TMEM132D: variants seen among roughly 807,000 people sequenced by gnomAD.
TMEM132D encodes the protein transmembrane protein 132D, also known as mature OL transmembrane protein.
TMEM132D carries 21 observed loss-of-function variants against 62.3 expected under a neutral mutation model. The ratio of observed to expected loss-of-function variants is 0.34; its 90% CI spans 0.24 to 0.49. The LOEUF (loss-of-function observed/expected upper bound fraction) is 0.49, where lower values mean the gene tolerates loss of function less well. TMEM132D is among the 20% of genes least tolerant of loss of function. The pLI, the probability that TMEM132D is intolerant of heterozygous loss-of-function variation, is 0.99. For synonymous variants in TMEM132D, 621 were observed against 575.6 expected (o/e 1.08, Z -1.13); for missense variants, 1,346 against 1,402.8 (o/e 0.96, Z 0.65).
intron 3 of TMEM132D, among the ~76,000 whole-genome samples, chr12:129,410,912 T>C (rs908032877): frequency 1.3e-5 from 2 of 152,230 alleles, no homozygotes; most frequent in African/African-American, 4.8e-5. Flanking sequence ...CTAGCAGTTT[T>C]GTTGGACATT....
At position 129,407,403 on chromosome 12, in the gene TMEM132D, G is replaced by A. The variant is rs571990532; in HGVS notation, c.1116-69586C>T. On this transcript the variant is annotated intron_variant, in intron 3 of 8. Coordinates refer to ENST00000422113, the MANE Select transcript of TMEM132D (RefSeq NM_133448.3). ...GTGATCCTATCCTCTCTCCGTCTCT[G>A]GGAAGCCTAGAGGAAAAGTCACCAG... Among the ~76,000 whole-genome samples the A allele has an allele frequency of 1.1e-4, 17 of 152,138 alleles. 1 individual carries two copies. The South Asian group carries it at 2.7e-3, about 24-fold the overall frequency.
chr12:129,502,319 A>G (rs1376916225), intron 3 of TMEM132D, among the ~76,000 whole-genome samples: 2 of 152,064 alleles, frequency 1.3e-5, no homozygotes, highest in Non-Finnish European at 2.9e-5. Context: ...TTCTTAATCC[A>G]AGTTCGCTAC....
At chr12:129,085,603 C>A (rs865780094) in intron 5 of TMEM132D, 1 of 152,238 alleles carries the variant, frequency 6.6e-6, no homozygotes, top group Non-Finnish European at 1.5e-5. Context: ...TCCAAACATG[C>A]GGATTCCTTT....
chr12:129,551,480 T>C (rs900525679), intron 2 of TMEM132D, among the ~76,000 whole-genome samples: 1 of 152,218 alleles, frequency 6.6e-6, no homozygotes, highest in Non-Finnish European at 1.5e-5. Flanking sequence ...GTAATTTTAC[T>C]CCATTTTGAT....
intron 2 of TMEM132D, among the ~76,000 whole-genome samples, chr12:129,653,361 G>A (rs1291357537): frequency 2.6e-5 from 4 of 152,214 alleles, no homozygotes; most frequent in African/African-American, 9.6e-5. Flanking sequence ...CCTGGTGATG[G>A]CCGATGGATG....
chr12:129,527,203 G>A (rs2137086217), intron 3 of TMEM132D, among the ~76,000 whole-genome samples: 1 of 152,196 alleles, frequency 6.6e-6, no homozygotes, highest in African/African-American at 2.4e-5. Context: ...CAGCTACTTG[G>A]GTGGCTGAGG....
chr12:129,462,535 A>C (rs1220390868), intron 3 of TMEM132D, among the ~76,000 whole-genome samples: 6 of 152,232 alleles, frequency 3.9e-5, no homozygotes, highest in Admixed American at 2.0e-4. Context: ...CTGCTCCTAC[A>C]AGGACATTAT....
intron 1 of TMEM132D, among the ~76,000 whole-genome samples, chr12:129,832,942 G>T (rs544080738): frequency 6.6e-6 from 1 of 152,038 alleles, no homozygotes; most frequent in African/African-American, 2.4e-5. Context: ...ACTCTTTCTC[G>T]CAATCCCCCT....
At chr12:129,105,560 AAAAAAAAAAG>A (rs951965338) in intron 5 of TMEM132D, among the ~76,000 whole-genome samples, 7 of 69,560 alleles carry the variant, frequency 1.0e-4, no homozygotes, top group South Asian at 5.9e-4. Context: ...AAAAAAAAAG[AAAAAAAAAAG>A]AAAAAAACAA....
In TMEM132D at chr12:129,714,157, G is replaced by C. The variant is rs183119383; in HGVS notation, c.80-13459C>G. 4.6e-5 allele frequency among the ~76,000 whole-genome samples: 7 copies of C among 152,220 alleles called. No homozygotes were observed. In the East Asian group the frequency reaches 1.4e-3, roughly 29 times the overall value. On this transcript the variant is annotated intron_variant, in intron 1 of 8. Coordinates refer to ENST00000422113, the MANE Select transcript of TMEM132D (RefSeq NM_133448.3). ...TTGCACTGGCTGTTTCCTGCACCTG[G>C]AGTGCCCATCCCCAGGCCCCTTGCA...
At chr12:129,589,411 T>C (rs1295056018) in intron 2 of TMEM132D, among the ~76,000 whole-genome samples, 5 of 152,218 alleles carry the variant, frequency 3.3e-5, no homozygotes, top group African/African-American at 1.2e-4. Context: ...GTCTCGGTTA[T>C]GTCTTTATCA....
At chr12:129,149,198 AG>A (rs1877001566) in intron 5 of TMEM132D, among the ~76,000 whole-genome samples, 2 of 134,418 alleles carry the variant, frequency 1.5e-5, no homozygotes, top group Admixed American at 1.5e-4. Context: ...GGACACAGGG[AG>A]GGGAACGTCA....
chr12:129,419,460 G>A (rs559084788), intron 3 of TMEM132D, among the ~76,000 whole-genome samples: 1 of 152,236 alleles, frequency 6.6e-6, no homozygotes, highest in East Asian at 1.9e-4. Flanking sequence ...ACTAGGAGGG[G>A]CACTGTGCAC....
Position 129,123,654 on chromosome 12 carries a change from T to C in TMEM132D, c.1444-38952A>G, listed in dbSNP as rs192699258. On this transcript the variant is annotated intron_variant, in intron 5 of 8. Coordinates refer to ENST00000422113, the MANE Select transcript of TMEM132D (RefSeq NM_133448.3). ...TTCCTGGTAAAACATTATTTCTGGGTGTGTCTGTGAGGGTGTTTCTGGCAC... is the reference window on the plus strand; with the variant it reads ...TTCCTGGTAAAACATTATTTCTGGGCGTGTCTGTGAGGGTGTTTCTGGCAC... 3.3e-5 allele frequency among the ~76,000 whole-genome samples: 5 copies of C among 152,322 alleles called. No homozygotes were observed. In the East Asian group the frequency reaches 9.6e-4, roughly 29 times the overall value.
At position 129,903,245 on chromosome 12, in the gene TMEM132D, G is replaced by A. The variant is rs761811203; in HGVS notation, c.79+16C>T. 4.5e-6 allele frequency: 7 copies of A among 1,551,636 alleles called. No individual in the cohort carries two copies. The East Asian group carries it at 1.5e-4, about 33-fold the overall frequency. On this transcript the variant is annotated intron_variant, in intron 1 of 8. Transcript: ENST00000422113. The surrounding 1 kb of genome is among the most constrained non-coding windows in gnomAD (Gnocchi z 6.2). ...CGAAGTTAGTCCCCGGGCCCTGGCG[G>A]CCGCGGCGTCCTCACCTTTGGAAAA...
intron 3 of TMEM132D, among the ~76,000 whole-genome samples, chr12:129,530,312 C>G (rs983951973): frequency 6.6e-6 from 1 of 152,020 alleles, no homozygotes; most frequent in African/African-American, 2.4e-5. Flanking sequence ...CGGAATTCAT[C>G]CTTTCATTAT....
At chr12:129,112,124 G>A (rs559327043) in intron 5 of TMEM132D, among the ~76,000 whole-genome samples, 1 of 152,182 alleles carries the variant, frequency 6.6e-6, no homozygotes, top group Non-Finnish European at 1.5e-5. Flanking sequence ...AATTGAATAA[G>A]TTCAATTTCT....
intron 1 of TMEM132D, among the ~76,000 whole-genome samples, chr12:129,743,867 G>A (rs1593144145): frequency 6.6e-6 from 1 of 152,172 alleles, no homozygotes. Flanking sequence ...AAACAGCAGG[G>A]AAACAGATTT....
rs1015666427 is a variant in TMEM132D, at chr12:129,351,324, TG to T, written c.1116-13508del. Among the ~76,000 whole-genome samples, 42 of 152,320 alleles carry T rather than the reference TG, an allele frequency of 2.8e-4. 1 individual carries two copies. The East Asian group carries it at 8.1e-3, about 29-fold the overall frequency. ...CGGGCATCTCAGTGGTTCTATCCGA[TG>T]GCTATATTTTCCCCACAGGCACCTA... On this transcript the variant is annotated intron_variant, in intron 3 of 8. Coordinates refer to ENST00000422113, the MANE Select transcript of TMEM132D (RefSeq NM_133448.3).
Sources: allele counts gnomAD v4.1 joint callset (sites outside exome capture counted in the v4.1 genomes callset), GRCh38; gene constraint gnomAD v4.1.1; non-coding constraint Gnocchi (gnomAD v3.1); transcripts MANE v1.5; gene names NCBI Gene and HGNC (gene_info 2026-07-23, HGNC 2026-07-21).